The following ESR2 variants were observed in gnomAD, a reference collection of about 807,000 sequenced individuals.
ESR2 encodes the protein estrogen receptor beta.
A neutral mutation model predicts 49.6 loss-of-function variants in ESR2; 36 were observed. That is an observed-to-expected ratio of 0.73 (90% CI 0.56 to 0.96). ESR2 has a LOEUF of 0.96. ESR2 is among the 40% of genes least tolerant of loss of function. The probability of loss-of-function intolerance (pLI) is 0.00; values close to 1 mark genes in which losing one functional copy is unlikely to be tolerated. For missense variants in ESR2, 714 were observed against 693.0 expected, an observed-to-expected ratio of 1.03 and a Z score of -0.34; for synonymous variants, 320 against 266.1, an observed-to-expected ratio of 1.20 and a Z score of -1.97.
intron 4 of ESR2, among the ~76,000 whole-genome samples, chr14:64,265,282 T>C (rs981878564): frequency 2.6e-4 from 40 of 152,192 alleles, no homozygotes; most frequent in African/African-American, 9.4e-4. Flanking sequence ...ATCGTAGTGA[T>C]AAATGACACT....
At chr14:64,246,093 G>A (rs758372902) in intron 7 of ESR2, among the ~76,000 whole-genome samples, 9 of 152,092 alleles carry the variant, frequency 5.9e-5, no homozygotes, top group Non-Finnish European at 8.8e-5. Context: ...CTGTAATCAC[G>A]GCACTTTGGG....
chr14:64,276,381 T>C (rs143713281), intron 3 of ESR2, among the ~76,000 whole-genome samples: 1 of 152,184 alleles, frequency 6.6e-6, no homozygotes, highest in Non-Finnish European at 1.5e-5. Flanking sequence ...TTTACCTCAC[T>C]AATAAAGAGA....
intron 5 of ESR2, among the ~76,000 whole-genome samples, chr14:64,258,234 T>C (rs180693538): frequency 7.8e-5 from 10 of 127,896 alleles, no homozygotes; most frequent in Non-Finnish European, 1.5e-4. Flanking sequence ...AATAAATAAA[T>C]AAAGAGCAAA....
At chr14:64,266,491 G>T (rs1347535406) in intron 4 of ESR2, among the ~76,000 whole-genome samples, 1 of 152,206 alleles carries the variant, frequency 6.6e-6, no homozygotes, top group East Asian at 1.9e-4. Context: ...CAATAGCTGT[G>T]CAACGGATCC....
intron 8 of ESR2, 193 bp downstream of exon 8, chr14:64,234,777 A>G: frequency 8.0e-7 from 1 of 1,257,714 alleles, no homozygotes; most frequent in Middle Eastern, 2.8e-4. Flanking sequence ...CCTGTAAGAT[A>G]CCACATGACA....
intron 3 of ESR2, among the ~76,000 whole-genome samples, chr14:64,272,055 C>G (rs1200140808): frequency 6.6e-6 from 1 of 152,194 alleles, no homozygotes; most frequent in Non-Finnish European, 1.5e-5. Flanking sequence ...TCTACATCCT[C>G]ACTAGCATTT....
Position 64,229,585 on chromosome 14 carries a change from T to C in ESR2, c.*3552A>G, listed in dbSNP as rs918198015. On this transcript the variant is annotated 3_prime_UTR_variant, in exon 9 of 9. Transcript: ENST00000341099. ...GCATGTCAGGTTGCACCTGATAGAT[T>C]CTGCAGTTTTAAAATATTTTTCTTT... Among the ~76,000 whole-genome samples the C allele has an allele frequency of 3.3e-5, 5 of 152,200 alleles. No individual in the cohort carries two copies. The highest frequency in any genetic ancestry group is 9.7e-5 in the African/African-American group (4 of 41,446).
chr14:64,236,732 C>T (rs2075609757), intron 7 of ESR2, among the ~76,000 whole-genome samples: 1 of 152,020 alleles, frequency 6.6e-6, no homozygotes, highest in African/African-American at 2.4e-5. Flanking sequence ...CTGTAGATTC[C>T]AACCTGGTCA....
chr14:64,305,317 T>A (rs978464891), intron 1 of ESR2, among the ~76,000 whole-genome samples: 64 of 142,022 alleles, frequency 4.5e-4, no homozygotes, highest in South Asian at 1.6e-3. Context: ...AATTAATTAA[T>A]AGGCAACATT....
chr14:64,276,259 C>T (rs1596443906), intron 3 of ESR2, among the ~76,000 whole-genome samples: 1 of 152,036 alleles, frequency 6.6e-6, no homozygotes, highest in Middle Eastern at 3.4e-3. Flanking sequence ...ATATAAAGCA[C>T]ACAATAAATT....
intron 3 of ESR2, among the ~76,000 whole-genome samples, chr14:64,277,404 T>G (rs1179336476): frequency 6.6e-6 from 1 of 151,970 alleles, no homozygotes; most frequent in Non-Finnish European, 1.5e-5. Context: ...GGCGGGCGGA[T>G]CACAAGGTCA....
chr14:64,311,717 G>C (rs116617274), intron 1 of ESR2, among the ~76,000 whole-genome samples: 2,244 of 150,966 alleles, frequency 0.015, 73 homozygotes, highest in African/African-American at 0.052. Flanking sequence ...GGTAGGCTGA[G>C]CAGGGGGATT....
intron 1 of ESR2, among the ~76,000 whole-genome samples, chr14:64,283,747 C>CAAAAAAAAAAAAA (rs757997424): frequency 2.2e-5 from 1 of 45,550 alleles, no homozygotes; most frequent in Non-Finnish European, 3.7e-5. Flanking sequence ...GACCCTGTCT[C>CAAAAAAAAAAAAA]AAAAAAAAAA....
intron 1 of ESR2, among the ~76,000 whole-genome samples, chr14:64,333,684 C>T (rs2077491809): frequency 1.3e-5 from 2 of 152,180 alleles, no homozygotes; most frequent in South Asian, 4.1e-4. Context: ...CTAATAAAAC[C>T]ATCCCATGAG....
intron 3 of ESR2, among the ~76,000 whole-genome samples, chr14:64,269,877 G>A (rs1018162308): frequency 3.3e-5 from 5 of 152,130 alleles, no homozygotes; most frequent in East Asian, 1.9e-4. Flanking sequence ...GATGCAGTAC[G>A]AAGAACCAAT....
intron 7 of ESR2, among the ~76,000 whole-genome samples, chr14:64,238,760 A>AT (rs1206595678): frequency 1.3e-5 from 2 of 152,018 alleles, no homozygotes; most frequent in East Asian, 3.8e-4. Context: ...TAGTTTAAAA[A>AT]AAAAAAACAA....
rs1221882618 is a variant in ESR2, at chr14:64,260,495, G to A, written c.906C>T (p.Ala302=). The change falls in exon 5 of 9, where the codon GCC becomes GCT. Residue 302 remains alanine (A), a synonymous_variant. Coordinates refer to ENST00000341099, the MANE Select transcript of ESR2 (RefSeq NM_001437.3). ...TGATCATGTGTACCAACTCCTTGTC[G>A]GCCAACTTGGTCAGGGACATCATCA... ...ASMMMSLTKL[A]DKELVHMISW... is the part of the protein sequence containing the mutation. The A allele has an allele frequency of 3.9e-6, 6 of 1,532,678 alleles. No homozygotes were observed. The highest frequency in any genetic ancestry group is 2.6e-5 in the South Asian group (2 of 77,568). 94.9% of individuals were successfully genotyped at this position (1,532,678 alleles called of 1,614,324 possible). A position where few individuals can be genotyped will look rare whatever the true frequency, so the allele number is the denominator to read the frequency against.
chr14:64,242,993 G>A (rs766514537), intron 7 of ESR2, among the ~76,000 whole-genome samples: 12 of 152,094 alleles, frequency 7.9e-5, no homozygotes, highest in East Asian at 5.8e-4. Flanking sequence ...ATCAAATCTC[G>A]TGAGATTTAT....
intron 4 of ESR2, 32 bp from the exon 5 acceptor site, chr14:64,260,780 C>G (rs750319958): frequency 7.0e-7 from 1 of 1,427,426 alleles, no homozygotes; most frequent in Non-Finnish European, 9.2e-7. Context: ...TTCGAATTGC[C>G]AGGGTAAAAC....
Sources: allele counts gnomAD v4.1 joint callset (sites outside exome capture counted in the v4.1 genomes callset), GRCh38; gene constraint gnomAD v4.1.1; transcripts MANE v1.5; gene names NCBI Gene and HGNC (gene_info 2026-07-23, HGNC 2026-07-21).